RAPGEF2: variants seen among roughly 807,000 people sequenced by gnomAD.
RAPGEF2 encodes Rap guanine nucleotide exchange factor 2.
RAPGEF2 carries 54 observed loss-of-function variants against 186.7 expected under a neutral mutation model. The observed-to-expected ratio is 0.29, with a 90% CI of 0.23 to 0.36. The LOEUF is 0.36. Ranked by LOEUF, RAPGEF2 falls within the 10% of genes least tolerant of loss-of-function variation. The pLI is 1.00. For missense variants in RAPGEF2, 1,532 were observed against 2,045.0 expected (o/e 0.75, Z 4.84); for synonymous variants, 712 against 705.9 (o/e 1.01, Z -0.14).
chr4:159,352,432 C>G (rs1731323984), intron 26 of RAPGEF2: 1 of 409,170 alleles, frequency 2.4e-6, no homozygotes, highest in East Asian at 4.3e-5. Flanking sequence ...TTGAGTGGTG[C>G]CTTTTCTGCA....
rs1324970264 is a variant in RAPGEF2, at chr4:159,142,376, G to A, written c.69+38145G>A. ...AGTATTTGAAAATAAATTATAAGATGAAAGAATCCTACTAGTACATTGGCA... is the reference window on the plus strand; with the variant it reads ...AGTATTTGAAAATAAATTATAAGATAAAAGAATCCTACTAGTACATTGGCA... On this transcript the variant is annotated intron_variant, in intron 1 of 29. Transcript: ENST00000691494. Among the ~76,000 whole-genome samples the A allele has an allele frequency of 4.6e-5, 7 of 152,116 alleles. No individual in the cohort carries two copies. The East Asian group carries it at 1.2e-3, about 25-fold the overall frequency.
intron 7 of RAPGEF2, among the ~76,000 whole-genome samples, chr4:159,292,577 T>G (rs988916484): frequency 2.0e-5 from 3 of 152,184 alleles, no homozygotes; most frequent in Non-Finnish European, 4.4e-5. Flanking sequence ...GAGTTTTGAG[T>G]ACATCCACCC....
chr4:159,265,806 G>A (rs1288529566), intron 7 of RAPGEF2, among the ~76,000 whole-genome samples: 1 of 152,100 alleles, frequency 6.6e-6, no homozygotes, highest in Non-Finnish European at 1.5e-5. Context: ...ATTGGAGTGG[G>A]ATGATAACAG....
intron 7 of RAPGEF2, among the ~76,000 whole-genome samples, chr4:159,281,989 G>A (rs1019598243): frequency 6.6e-6 from 1 of 152,172 alleles, no homozygotes; most frequent in African/African-American, 2.4e-5. Flanking sequence ...CTCTGTAGCT[G>A]TGTGACAGTA....
chr4:159,198,271 CTTCTTTCTTTCTTTCTTTCTTTCT>C (rs201152378), intron 3 of RAPGEF2, among the ~76,000 whole-genome samples: 13,844 of 104,230 alleles, frequency 0.13, 1,538 homozygotes, highest in East Asian at 0.41. Context: ...TCTTTCTTTC[CTTCTTTCTTTCTTTCTTTCTTTCT>C]TTCTTTCTTT....
chr4:159,258,028 A>G lies in RAPGEF2; in HGVS notation c.543+14237A>G, dbSNP rs528315594. Among the ~76,000 whole-genome samples the G allele has an allele frequency of 7.6e-4, 116 of 152,324 alleles. 1 individual carries two copies. In the Middle Eastern group the frequency reaches 0.027, roughly 36 times the overall value. On this transcript the variant is annotated intron_variant, in intron 7 of 29. Transcript: ENST00000691494. ...AATATGAAATGCTACTTTATGACAC[A>G]CCTAGGTAATGTAATCTTCCATGAA...
intron 4 of RAPGEF2, among the ~76,000 whole-genome samples, chr4:159,233,413 C>T (rs1369389701): frequency 6.6e-6 from 1 of 152,138 alleles, no homozygotes; most frequent in East Asian, 1.9e-4. Context: ...AGACTCTGTT[C>T]TTCTCTCATT....
Position 159,356,090 on chromosome 4 carries a change from A to G in RAPGEF2, c.4889A>G (p.His1630Arg). The G allele has an allele frequency of 6.2e-7, 1 of 1,614,238 alleles. No individual in the cohort carries two copies. Among genetic ancestry groups the G allele is most frequent in the South Asian group, 1.1e-5 (1 of 91,084 alleles). Residue 1630 changes from histidine to arginine, a missense_variant, in exon 29 of 30, where the codon CAT (histidine) becomes CGT (arginine). Around this residue, in one of 4 missense-constraint regions of RAPGEF2, gnomAD observed 594 missense variants for 608.5 expected, o/e 0.98. Coordinates refer to ENST00000691494, the MANE Select transcript of RAPGEF2 (RefSeq NM_001394067.2). ...SSRPVNKPQW[H>R]KPNESDPRLA... Reference sequence around the variant, plus strand: ...AGGCCTGTGAACAAACCTCAGTGGCATAAACCGAACGAGTCTGACCCGCGC... The same window carrying G: ...AGGCCTGTGAACAAACCTCAGTGGCGTAAACCGAACGAGTCTGACCCGCGC...
chr4:159,273,658 CTTTCTTTCTTTCT>C (rs1357502326), intron 7 of RAPGEF2, among the ~76,000 whole-genome samples: 3 of 146,916 alleles, frequency 2.0e-5, no homozygotes, highest in African/African-American at 5.0e-5. Context: ...TTCTTTCTTT[CTTTCTTTCTTTCT>C]TTCTTTCTTT....
chr4:159,338,375 C>T lies in RAPGEF2; in HGVS notation c.2200C>T (p.Pro734Ser), dbSNP rs1449264874. 1 of 1,614,046 alleles carries T rather than the reference C, an allele frequency of 6.2e-7. No homozygotes were observed. Among genetic ancestry groups the T allele is most frequent in the South Asian group, 1.1e-5 (1 of 91,080 alleles). The change falls in exon 18 of 30, where the codon CCA (proline) becomes TCA (serine). Residue 734 changes from proline to serine, a missense_variant. By Grantham distance (74) the Pro-to-Ser change is moderately conservative. This residue lies in a region of RAPGEF2 where 810 missense variants were observed against 1,210.5 expected (regional missense o/e 0.67). Coordinates refer to ENST00000691494, the MANE Select transcript of RAPGEF2 (RefSeq NM_001394067.2). The part of the protein sequence containing the change: ...IVGLRQTKHI[P>S]TALPVSGTLS... ...AGGATTAAGGCAGACAAAGCACATC[C>T]CAACTGCATTGCCTGTCAGTGGAAC...
At chr4:159,166,890 A>G (rs995335133) in intron 1 of RAPGEF2, among the ~76,000 whole-genome samples, 1 of 152,174 alleles carries the variant, frequency 6.6e-6, no homozygotes, top group Admixed American at 6.5e-5. Context: ...GATGTGGGCA[A>G]ACACTGGAAT....
intron 1 of RAPGEF2, among the ~76,000 whole-genome samples, chr4:159,121,443 T>C (rs1739669615): frequency 2.0e-5 from 3 of 151,976 alleles, no homozygotes; most frequent in Non-Finnish European, 4.4e-5. Flanking sequence ...CACAGCTCAT[T>C]GCAGCCTCAA....
At chr4:159,332,940 G>T (rs1044076986) in intron 17 of RAPGEF2, 3 of 293,238 alleles carry the variant, frequency 1.0e-5, no homozygotes, top group South Asian at 1.6e-4. Context: ...TTTTTTGGGG[G>T]TTTGGACTTT....
intron 7 of RAPGEF2, among the ~76,000 whole-genome samples, chr4:159,246,849 A>G (rs943448371): frequency 2.0e-5 from 3 of 152,314 alleles, no homozygotes; most frequent in Non-Finnish European, 4.4e-5. Flanking sequence ...TGGGTAATAC[A>G]TCAATAACTT....
At chr4:159,159,085 A>G (rs1202008712) in intron 1 of RAPGEF2, among the ~76,000 whole-genome samples, 4 of 152,378 alleles carry the variant, frequency 2.6e-5, no homozygotes, top group African/African-American at 7.2e-5. Flanking sequence ...TCTTACAGCA[A>G]TAAGTAGCAA....
At chr4:159,207,367 T>C (rs1003403777) in intron 3 of RAPGEF2, among the ~76,000 whole-genome samples, 1 of 152,224 alleles carries the variant, frequency 6.6e-6, no homozygotes, top group African/African-American at 2.4e-5. Context: ...ACTTCAAGTG[T>C]GTTTTATTAT....
In RAPGEF2 at chr4:159,323,566, G is replaced by A. The variant is rs1174211834; in HGVS notation, c.1098G>A (p.Met366Ile). 6 of 1,610,806 alleles carry A rather than the reference G, an allele frequency of 3.7e-6. No individual in the cohort carries two copies. Among genetic ancestry groups the A allele is most frequent in the Non-Finnish European group, 5.1e-6 (6 of 1,178,338 alleles). Reference protein sequence around the residue: ...MGNSFGVSPTMDKEYMKGVMR... With the variant: ...MGNSFGVSPTIDKEYMKGVMR... ...ATAGTTTTGGTGTCTCTCCTACCAT[G>A]GACAAAGAATACATGAAAGGAGTGA... is the stretch of plus-strand genomic sequence containing the variant. Residue 366 changes from methionine to isoleucine, a missense_variant, in exon 11 of 30, where the codon ATG becomes ATA. Transcript: ENST00000691494.
At chr4:159,268,357 A>C in intron 7 of RAPGEF2, 1 of 612,916 alleles carries the variant, frequency 1.6e-6, no homozygotes, top group Non-Finnish European at 2.7e-6. Context: ...GGGAGGGTGC[A>C]TTAAAGCTGG....
At chr4:159,351,158 A>G (rs776546939) in intron 26 of RAPGEF2, 11 of 1,535,518 alleles carry the variant, frequency 7.2e-6, no homozygotes, top group South Asian at 5.9e-5. Flanking sequence ...AAGAATAACA[A>G]TGCACCACGG....
Sources: allele counts gnomAD v4.1 joint callset (sites outside exome capture counted in the v4.1 genomes callset), GRCh38; gene constraint gnomAD v4.1.1; regional missense constraint gnomAD v4.1.1; transcripts MANE v1.5; gene names NCBI Gene and HGNC (gene_info 2026-07-23, HGNC 2026-07-21).